SEPTIN8: variants seen among roughly 807,000 people sequenced by gnomAD.
The protein encoded by SEPTIN8 is septin 8.
In SEPTIN8, 22 loss-of-function variants were observed where a neutral mutation model predicts 53.1. That is an observed-to-expected ratio of 0.41 (90% CI 0.30 to 0.59). The LOEUF is 0.59. SEPTIN8 is among the 20% of genes least tolerant of loss of function. SEPTIN8 has a pLI of 0.24. For synonymous variants in SEPTIN8, 228 were observed against 248.4 expected (o/e 0.92, Z 0.77); for missense variants, 536 against 638.7 (o/e 0.84, Z 1.73).
At chr5:132,765,991 C>T (rs186578650) in intron 1 of SEPTIN8, among the ~76,000 whole-genome samples, 1 of 152,298 alleles carries the variant, frequency 6.6e-6, no homozygotes, top group Non-Finnish European at 1.5e-5. Context: ...CCCACTGATG[C>T]AGGACTCAAG....
chr5:132,763,350 G>A (rs1013792711), intron 4 of SEPTIN8, among the ~76,000 whole-genome samples: 11 of 152,300 alleles, frequency 7.2e-5, no homozygotes, highest in Admixed American at 7.2e-4. Context: ...TAGGAATTGA[G>A]AGATAGAAAA....
intron 1 of SEPTIN8, among the ~76,000 whole-genome samples, chr5:132,772,302 G>C (rs564912534): frequency 6.6e-6 from 1 of 152,290 alleles, no homozygotes; most frequent in South Asian, 2.1e-4. Context: ...AGGAAGCTAA[G>C]AGCACAGTTA....
At chr5:132,762,834 A>C (rs879095495) in intron 4 of SEPTIN8, among the ~76,000 whole-genome samples, 189 bp from the exon 5 acceptor site, 2 of 152,158 alleles carry the variant, frequency 1.3e-5, no homozygotes, top group African/African-American at 4.8e-5. Flanking sequence ...CATTCTGATG[A>C]GTTTCAACAA....
At chr5:132,759,777 C>T (rs944220569) in intron 9 of SEPTIN8, among the ~76,000 whole-genome samples, 1 of 152,178 alleles carries the variant, frequency 6.6e-6, no homozygotes, top group African/African-American at 2.4e-5. Flanking sequence ...CAGGGAGAAG[C>T]AGGGATGGAT....
At chr5:132,758,865 C>T in intron 9 of SEPTIN8, 1 of 1,583,014 alleles carries the variant, frequency 6.3e-7, no homozygotes, top group East Asian at 2.2e-5. Context: ...AAAACAGACA[C>T]ATTAAAAGAT....
rs955361408 is a variant in SEPTIN8 at position 132,773,432 on chromosome 5, G to A, written c.30+3676C>T. On this transcript the variant is annotated intron_variant, in intron 1 of 9. Transcript: ENST00000378719. This position sits in a 1 kb window ranked among gnomAD's most constrained non-coding sequence, Gnocchi z 4.2. Reference sequence around the variant, plus strand: ...CTGGACTTGAGCCACAGAGACATTCGTGGTAGTTACTGCCCCAAATATAAT... The same window carrying A: ...CTGGACTTGAGCCACAGAGACATTCATGGTAGTTACTGCCCCAAATATAAT... Among the ~76,000 whole-genome samples, 4 of 152,184 alleles carry A rather than the reference G, an allele frequency of 2.6e-5. No homozygotes were observed. The highest frequency in any genetic ancestry group is 2.0e-4 in the Admixed American group (3 of 15,278).
At chr5:132,774,091 G>C (rs934514490) in intron 1 of SEPTIN8, 2 of 165,050 alleles carry the variant, frequency 1.2e-5, no homozygotes, top group Non-Finnish European at 2.9e-5. Flanking sequence ...CAGAGACCTT[G>C]AGCCTCATTT....
rs2067190 is a variant in SEPTIN8, at chr5:132,760,631, A to AAAAG, written c.1286+167_1286+170dup. Among the ~76,000 whole-genome samples the AAAAG allele has an allele frequency of 0.37, 55,643 of 151,678 alleles. 16,283 individuals carry two copies. Among genetic ancestry groups the AAAAG allele is most frequent in the African/African-American group, 0.78 (32,263 of 41,202 alleles). ...GAGACACTGGATCACTAGTGAAAGA[A>AAAAG]AAAGGCAACCAAGAAAGCTGGGGGG... is the stretch of plus-strand genomic sequence containing the variant. On this transcript the variant is annotated intron_variant, in intron 9 of 9. Transcript: ENST00000378719. This position sits in a 1 kb window ranked among gnomAD's most constrained non-coding sequence, Gnocchi z 5.2.
Position 132,751,859 on chromosome 5 carries a change from A to C in SEPTIN8, c.*157T>G, listed in dbSNP as rs1754870270. ...TGGATAGGAATGAAAAGGGTTGGGC[A>C]ACATTTGATGTTCCCTGATGGAAAT... On this transcript the variant is annotated 3_prime_UTR_variant, in exon 10 of 10. Coordinates refer to ENST00000378719, the MANE Select transcript of SEPTIN8 (RefSeq NM_001098811.2). The C allele has an allele frequency of 7.5e-7, 1 of 1,331,926 alleles. No individual in the cohort carries two copies. The highest frequency in any genetic ancestry group is 1.0e-6 in the Non-Finnish European group (1 of 972,564). 82.5% of individuals were successfully genotyped at this position (1,331,926 alleles called of 1,614,324 possible).
In SEPTIN8 at chr5:132,751,319, ATC is replaced by A. The variant is rs1241101446; in HGVS notation, c.*695_*696del. The A allele has an allele frequency of 4.1e-6, 1 of 243,996 alleles. No individual in the cohort carries two copies. The allele number at this position is 243,996 out of a possible 1,614,324, so 15.1% of individuals were successfully genotyped here. On this transcript the variant is annotated 3_prime_UTR_variant, in exon 10 of 10. Coordinates refer to ENST00000378719, the MANE Select transcript of SEPTIN8 (RefSeq NM_001098811.2). ...CATTCTATGAATACTGTACATAAATATCTGTCTGCTTTTGCTACACTTTACAC... is the reference window on the plus strand; with the variant it reads ...CATTCTATGAATACTGTACATAAATATGTCTGCTTTTGCTACACTTTACAC...
chr5:132,758,352 G>C, intron 9 of SEPTIN8: 1 of 1,404,684 alleles, frequency 7.1e-7, no homozygotes, highest in Non-Finnish European at 9.2e-7. Flanking sequence ...TAAGCTGTAG[G>C]TTAGAAAAAT....
chr5:132,769,479 G>C (rs183179070), intron 1 of SEPTIN8, among the ~76,000 whole-genome samples: 1 of 152,300 alleles, frequency 6.6e-6, no homozygotes, highest in East Asian at 1.9e-4. Context: ...AAGCCAGGCA[G>C]GTAACATATA....
At chr5:132,758,488 C>T (rs764642987) in intron 9 of SEPTIN8, 19 of 1,611,792 alleles carry the variant, frequency 1.2e-5, no homozygotes, top group Middle Eastern at 1.7e-4. Context: ...CTGGGGCCTT[C>T]GCTAGAGCGG....
In SEPTIN8 at chr5:132,777,182, C is replaced by T; in HGVS notation, c.-45G>A. On this transcript the variant is annotated 5_prime_UTR_variant, in exon 1 of 10. Coordinates refer to ENST00000378719, the MANE Select transcript of SEPTIN8 (RefSeq NM_001098811.2). This position sits in a 1 kb window ranked among gnomAD's most constrained non-coding sequence, Gnocchi z 4.1. ...GGGTGGGCTGGGACGAGCGCAGGGG[C>T]AGCGACAGGGACCAGCCGGCTGCGG... The T allele has an allele frequency of 8.6e-7, 1 of 1,164,912 alleles. No homozygotes were observed. The highest frequency in any genetic ancestry group is 1.1e-6 in the Non-Finnish European group (1 of 944,116). 72.2% of individuals were successfully genotyped at this position (1,164,912 alleles called of 1,614,324 possible).
In SEPTIN8 at chr5:132,761,982, G is replaced by T; in HGVS notation, c.697-86C>A. The T allele has an allele frequency of 8.3e-7, 1 of 1,200,968 alleles. No homozygotes were observed. The allele number at this position is 1,200,968 out of a possible 1,614,324, so 74.4% of individuals were successfully genotyped here. On this transcript the variant is annotated intron_variant, in intron 5 of 9. Coordinates refer to ENST00000378719, the MANE Select transcript of SEPTIN8 (RefSeq NM_001098811.2). The surrounding 1 kb of genome is among the most constrained non-coding windows in gnomAD (Gnocchi z 5.8). ...CCTCCCTGCCCCTGGGTCCTAGGGA[G>T]GGGCAGCCAGACCTGAACAAAGGCT...
chr5:132,752,262 C>G (rs1754910462), intron 9 of SEPTIN8, 81 bp from the exon 10 acceptor site: 15 of 1,492,492 alleles, frequency 1.0e-5, no homozygotes, highest in Non-Finnish European at 1.3e-5. Flanking sequence ...CACTCTGACC[C>G]CAAAGGGGTA....
rs1020424690 is a variant in SEPTIN8 at position 132,761,712 on chromosome 5, G to A, written c.794-86C>T. ...AGGGTAGGCACGCAGGTGGGCATGA[G>A]GAGGAAACAGCACAGGGTACTACAG... On this transcript the variant is annotated intron_variant, in intron 6 of 9. Transcript: ENST00000378719. This position sits in a 1 kb window ranked among gnomAD's most constrained non-coding sequence, Gnocchi z 5.8. The A allele has an allele frequency of 2.5e-5, 39 of 1,587,096 alleles. No individual in the cohort carries two copies. The highest frequency in any genetic ancestry group is 3.0e-5 in the Non-Finnish European group (35 of 1,163,506).
intron 1 of SEPTIN8, among the ~76,000 whole-genome samples, chr5:132,767,486 A>G (rs1284202081): frequency 6.6e-6 from 1 of 152,084 alleles, no homozygotes; most frequent in Non-Finnish European, 1.5e-5. Context: ...GTTTCCTAGT[A>G]CTACTGGTTA....
At chr5:132,762,415 C>T in intron 5 of SEPTIN8, 69 bp downstream of exon 5, 1 of 1,464,210 alleles carries the variant, frequency 6.8e-7, no homozygotes, top group Non-Finnish European at 9.5e-7. Flanking sequence ...TCTCCTGGGG[C>T]TGTGTCAGAT....
Sources: gnomAD v4.1 joint callset for allele counts (sites outside exome capture counted in the v4.1 genomes callset) on GRCh38, gnomAD v4.1.1 for gene constraint, Gnocchi (gnomAD v3.1) non-coding constraint, MANE v1.5 for transcripts, NCBI Gene and HGNC (gene_info 2026-07-23, HGNC 2026-07-21) for gene names.